AP1B1: variants seen among roughly 807,000 people sequenced by gnomAD.
AP1B1 encodes the protein AP-1 complex subunit beta-1.
A neutral mutation model predicts 104.3 loss-of-function variants in AP1B1; 36 were observed. The observed-to-expected ratio is 0.35, with a 90% CI of 0.26 to 0.46. AP1B1 has a LOEUF of 0.46. Among genes scored for constraint, AP1B1 ranks in the 20% least tolerant of loss-of-function variants. The pLI is 1.00. For synonymous variants in AP1B1, 504 were observed against 517.5 expected, an observed-to-expected ratio of 0.97 and a Z score of 0.35; for missense variants, 901 against 1,247.9, an observed-to-expected ratio of 0.72 and a Z score of 4.19.
intron 5 of AP1B1, among the ~76,000 whole-genome samples, chr22:29,357,141 G>A (rs1356130314): frequency 6.6e-6 from 1 of 151,202 alleles, no homozygotes; most frequent in Non-Finnish European, 1.5e-5. Context: ...TCAGCTCACT[G>A]CAACCTCCAC....
intron 6 of AP1B1, among the ~76,000 whole-genome samples, chr22:29,355,448 G>A (rs890678611): frequency 3.3e-5 from 5 of 152,124 alleles, no homozygotes; most frequent in Non-Finnish European, 7.4e-5. Context: ...GCAACAGAGC[G>A]AGACCCTGTC....
Position 29,349,290 on chromosome 22 carries a change from G to T in AP1B1, c.1365C>A (p.Tyr455Ter). The T allele has an allele frequency of 6.2e-7, 1 of 1,614,092 alleles. No homozygotes were observed. Among genetic ancestry groups the T allele is most frequent in the Non-Finnish European group, 8.5e-7 (1 of 1,180,052 alleles). ...RAAMIWIVGE[Y>*]AERIDNADEL... ...CATCTGCGTTGTCGATCCGTTCCGC[G>T]TACTCGCCCACAATCCAGATCATGG... The change falls in exon 11 of 23, where the codon TAC (tyrosine) becomes TAA (stop). Residue 455 changes from tyrosine to a stop codon, truncating the protein, a stop_gained. Transcript: ENST00000357586. LOFTEE classifies it high-confidence loss of function.
At position 29,354,732 on chromosome 22, in the gene AP1B1, G is replaced by A. The variant is rs2061929161; in HGVS notation, c.856C>T (p.Pro286Ser). ...YYGTLLKKLA[P>S]PLVTLLSAEP... ...GCTGACAGCAGTGTGACCAGGGGTGGGGCCAGCTTCTTGAGCAGTGTGCCG... is the reference window on the plus strand; with the variant it reads ...GCTGACAGCAGTGTGACCAGGGGTGAGGCCAGCTTCTTGAGCAGTGTGCCG... Residue 286 changes from proline to serine, a missense_variant, in exon 7 of 23, where the codon CCA (proline) becomes TCA (serine). Around this residue, in one of 3 missense-constraint regions of AP1B1, gnomAD observed 471 missense variants for 696.7 expected, o/e 0.68. Transcript: ENST00000357586. The A allele has an allele frequency of 6.2e-7, 1 of 1,614,000 alleles. No individual in the cohort carries two copies. The highest frequency in any genetic ancestry group is 8.5e-7 in the Non-Finnish European group (1 of 1,180,026).
intron 1 of AP1B1, among the ~76,000 whole-genome samples, chr22:29,373,441 A>G (rs1360761136): frequency 6.6e-6 from 1 of 152,180 alleles, no homozygotes; most frequent in Non-Finnish European, 1.5e-5. Flanking sequence ...CTAAGAGGCA[A>G]ACCTAAGCTA....
At chr22:29,353,809 A>T (rs770247090) in intron 7 of AP1B1, among the ~76,000 whole-genome samples, 5 of 152,134 alleles carry the variant, frequency 3.3e-5, no homozygotes, top group Non-Finnish European at 7.4e-5. Context: ...TGCTACTGTC[A>T]AGTCCCCACG....
chr22:29,363,432 G>A (rs546254821), intron 2 of AP1B1, among the ~76,000 whole-genome samples: 10 of 152,252 alleles, frequency 6.6e-5, no homozygotes, highest in Admixed American at 2.6e-4. Flanking sequence ...GGCGGATCAC[G>A]AGGTCAGAAG....
chr22:29,333,111 C>T (rs1569151021), intron 17 of AP1B1: 3 of 154,480 alleles, frequency 1.9e-5, no homozygotes, highest in African/African-American at 7.2e-5. Context: ...TAGAGCCACC[C>T]CTAGCCCCGG....
chr22:29,341,023 A>C (rs1029978620), intron 13 of AP1B1, among the ~76,000 whole-genome samples, 166 bp from the exon 14 acceptor site: 2 of 152,198 alleles, frequency 1.3e-5, no homozygotes, highest in Non-Finnish European at 2.9e-5. Context: ...CCATTCCCAC[A>C]GCAGGTCCAT....
In AP1B1 at chr22:29,328,056, C is replaced by T. The variant is rs1234393694; in HGVS notation, c.*765G>A. ...CAGTCTTTGTGGCAGGAGGCCTGGG[C>T]TCAGAGGCGACACTGAGGAATGTAT... On this transcript the variant is annotated 3_prime_UTR_variant, in exon 23 of 23. Coordinates refer to ENST00000357586, the MANE Select transcript of AP1B1 (RefSeq NM_001127.4). The surrounding 1 kb of genome is among the most constrained non-coding windows in gnomAD (Gnocchi z 4.1). 6.5e-6 allele frequency: 1 copy of T among 152,818 alleles called. No individual in the cohort carries two copies. The highest frequency in any genetic ancestry group is 1.5e-5 in the Non-Finnish European group (1 of 68,210). 9.5% of individuals were successfully genotyped at this position (152,818 alleles called of 1,614,324 possible).
At chr22:29,364,734 A>C (rs2062105521) in intron 2 of AP1B1, among the ~76,000 whole-genome samples, 2 of 142,190 alleles carry the variant, frequency 1.4e-5, no homozygotes, top group Admixed American at 1.4e-4. Context: ...TTTGAGACAT[A>C]GTCTCACTCT....
chr22:29,362,016 ACTC>A (rs1167337388), intron 3 of AP1B1, among the ~76,000 whole-genome samples: 1 of 151,390 alleles, frequency 6.6e-6, no homozygotes, highest in Admixed American at 6.6e-5. Context: ...CTGGTCTTGA[ACTC>A]CTGACCTCGT....
In AP1B1 at chr22:29,328,727, G is replaced by A. The variant is rs901354226; in HGVS notation, c.*94C>T. ...AGCCCACTGAGTGGCCTGGAGCCCC[G>A]CCTGGTCCCTCCTGCGAGGAGGAAG... On this transcript the variant is annotated 3_prime_UTR_variant, in exon 23 of 23. Transcript: ENST00000357586. This position sits in a 1 kb window ranked among gnomAD's most constrained non-coding sequence, Gnocchi z 4.1. 5.8e-5 allele frequency: 85 copies of A among 1,464,014 alleles called. No individual in the cohort carries two copies. Among genetic ancestry groups the A allele is most frequent in the Middle Eastern group, 2.4e-4 (1 of 4,148 alleles). The allele number at this position is 1,464,014 out of a possible 1,614,324, so 90.7% of individuals were successfully genotyped here. A position where few individuals can be genotyped will look rare whatever the true frequency, so the allele number is the denominator to read the frequency against.
At chr22:29,351,416 G>A in intron 8 of AP1B1, 150 bp from the exon 9 acceptor site, 2 of 996,552 alleles carry the variant, frequency 2.0e-6, no homozygotes, top group South Asian at 1.4e-5. Flanking sequence ...GAGCTGGCAG[G>A]TGCCTGAAAA....
At chr22:29,365,166 C>G (rs1352716394) in intron 2 of AP1B1, among the ~76,000 whole-genome samples, 2 of 152,164 alleles carry the variant, frequency 1.3e-5, no homozygotes, top group Non-Finnish European at 2.9e-5. Flanking sequence ...AGGGCTGAAA[C>G]TGAAAACCAG....
intron 8 of AP1B1, chr22:29,351,500 C>T (rs2061874065): frequency 1.2e-6 from 1 of 839,428 alleles, no homozygotes; most frequent in African/African-American, 1.7e-5. Context: ...TAAGGGATGA[C>T]AGGTGATAAC....
intron 16 of AP1B1, among the ~76,000 whole-genome samples, chr22:29,337,643 C>T (rs932860681): frequency 5.3e-5 from 8 of 152,186 alleles, no homozygotes; most frequent in African/African-American, 1.9e-4. Flanking sequence ...GGTTGGTCCC[C>T]TCTGGCAGCT....
intron 17 of AP1B1, among the ~76,000 whole-genome samples, chr22:29,334,021 C>T (rs529607835): frequency 5.3e-5 from 8 of 152,304 alleles, no homozygotes; most frequent in East Asian, 3.9e-4. Context: ...GCCGAGATGG[C>T]GCTGCTGCAC....
At chr22:29,329,302 G>A in intron 22 of AP1B1, 1 of 1,171,248 alleles carries the variant, frequency 8.5e-7, no homozygotes, top group Non-Finnish European at 1.1e-6. Flanking sequence ...GGAGCCTGGA[G>A]GGGTGCTGGG....
Position 29,341,674 on chromosome 22 carries a change from C to T in AP1B1, c.1623G>A (p.Val541=), listed in dbSNP as rs1398301707. 4.3e-6 allele frequency: 7 copies of T among 1,614,072 alleles called. No individual in the cohort carries two copies. In the African/African-American group the frequency reaches 5.3e-5, roughly 12 times the overall value. Residue 541 remains valine (V), a synonymous_variant, in exon 13 of 23, where the codon GTG becomes GTA. Transcript: ENST00000357586. ...CAGAGATGAGTGGCTTCTCAGCCAACACCACCTCCTTGGCTGCCACCGGGT... is the reference window on the plus strand; with the variant it reads ...CAGAGATGAGTGGCTTCTCAGCCAATACCACCTCCTTGGCTGCCACCGGGT... ...STDPVAAKEV[V]LAEKPLISEE...
Sources: gnomAD v4.1 joint callset for allele counts (sites outside exome capture counted in the v4.1 genomes callset) on GRCh38, gnomAD v4.1.1 for gene constraint, gnomAD v4.1.1 regional missense constraint, Gnocchi (gnomAD v3.1) non-coding constraint, MANE v1.5 for transcripts, NCBI Gene and HGNC (gene_info 2026-07-23, HGNC 2026-07-21) for gene names.